ROBO2: variants seen among roughly 807,000 people sequenced by gnomAD.
The protein encoded by ROBO2 is roundabout guidance receptor 2.
ROBO2 carries 53 observed loss-of-function variants against 160.8 expected under a neutral mutation model. That is an observed-to-expected ratio of 0.33 (90% CI 0.26 to 0.41). The LOEUF (loss-of-function observed/expected upper bound fraction) is 0.41, where lower values mean the gene tolerates loss of function less well. Ranked by LOEUF, ROBO2 falls within the 10% of genes least tolerant of loss-of-function variation. ROBO2 has a pLI of 1.00. For missense variants in ROBO2, 1,577 were observed against 1,722.4 expected (o/e 0.92, Z 1.49); for synonymous variants, 664 against 611.7 (o/e 1.09, Z -1.26).
chr3:76,779,322 C>T (rs1054642985), intron 2 of ROBO2, among the ~76,000 whole-genome samples: 19 of 150,904 alleles, frequency 1.3e-4, no homozygotes, highest in Non-Finnish European at 1.0e-4. Flanking sequence ...CTCTAGCCTC[C>T]TTTATTATTA....
intron 1 of ROBO2, among the ~76,000 whole-genome samples, chr3:77,089,209 A>G (rs993494541): frequency 1.3e-5 from 2 of 152,206 alleles, no homozygotes; most frequent in African/African-American, 4.8e-5. Flanking sequence ...TCATCCTGAA[A>G]ACAGAGCTTG....
intron 1 of ROBO2, among the ~76,000 whole-genome samples, chr3:77,056,776 C>G (rs117466936): frequency 6.6e-6 from 1 of 151,842 alleles, no homozygotes; most frequent in East Asian, 1.9e-4. Context: ...GAGGCCATGT[C>G]GTAATCCAGG....
At chr3:77,598,434 A>AATAT (rs3073100) in intron 19 of ROBO2, among the ~76,000 whole-genome samples, 7 of 143,664 alleles carry the variant, frequency 4.9e-5, no homozygotes, top group African/African-American at 1.8e-4. Flanking sequence ...TAAATAGATG[A>AATAT]ATATATATAT....
intron 2 of ROBO2, among the ~76,000 whole-genome samples, chr3:77,287,485 C>G (rs2060689900): frequency 1.3e-5 from 2 of 152,108 alleles, no homozygotes; most frequent in Admixed American, 1.3e-4. Context: ...ACACACCATC[C>G]CCAGATACTT....
intron 2 of ROBO2, among the ~76,000 whole-genome samples, chr3:77,354,987 T>G (rs1460531454): frequency 1.3e-5 from 2 of 152,196 alleles, no homozygotes; most frequent in Non-Finnish European, 2.9e-5. Context: ...CAGTAAAATT[T>G]ACTTTTTTAG....
intron 2 of ROBO2, among the ~76,000 whole-genome samples, chr3:77,430,872 G>T (rs1172130388): frequency 6.6e-6 from 1 of 152,184 alleles, no homozygotes; most frequent in African/African-American, 2.4e-5. Context: ...ATGATCTCAA[G>T]ATTCTGTCAG....
At chr3:77,207,655 C>G (rs989776439) in intron 2 of ROBO2, among the ~76,000 whole-genome samples, 2 of 152,102 alleles carry the variant, frequency 1.3e-5, no homozygotes, top group African/African-American at 4.8e-5. Flanking sequence ...TTTTCACTCT[C>G]CAATGGGGAT....
At chr3:77,020,397 C>T (rs1201020956) in intron 2 of ROBO2, among the ~76,000 whole-genome samples, 18 of 152,086 alleles carry the variant, frequency 1.2e-4, no homozygotes, top group Non-Finnish European at 1.9e-4. Context: ...AACATTTTTG[C>T]AATGCATGTT....
chr3:76,678,149 T>C (rs1266616952), intron 2 of ROBO2, among the ~76,000 whole-genome samples: 2 of 151,716 alleles, frequency 1.3e-5, no homozygotes, highest in African/African-American at 2.4e-5. Flanking sequence ...TTTTGTACTT[T>C]TAGTAGAGAC....
intron 2 of ROBO2, among the ~76,000 whole-genome samples, chr3:76,556,833 T>C (rs1339436328): frequency 1.3e-5 from 2 of 152,112 alleles, no homozygotes; most frequent in African/African-American, 2.4e-5. Flanking sequence ...AAAAAATAAG[T>C]TGTACAACAG....
intron 2 of ROBO2, among the ~76,000 whole-genome samples, chr3:76,237,591 A>T (rs974914): frequency 0.79 from 120,833 of 152,162 alleles, 49,651 homozygotes; most frequent in Non-Finnish European, 0.9. Context: ...AATGTCCTGG[A>T]TAGTTAATAA....
intron 2 of ROBO2, among the ~76,000 whole-genome samples, chr3:76,411,206 C>G (rs567022769): frequency 6.6e-6 from 1 of 152,058 alleles, no homozygotes; most frequent in South Asian, 2.1e-4. Context: ...AATGACCAGA[C>G]AGAACCTTGA....
intron 2 of ROBO2, among the ~76,000 whole-genome samples, chr3:77,206,050 C>A (rs1459205610): frequency 1.3e-5 from 2 of 152,162 alleles, no homozygotes; most frequent in African/African-American, 4.8e-5. Context: ...TGCCCTCAGG[C>A]ATTCCTTGGT....
chr3:77,352,825 C>A (rs2068540537), intron 2 of ROBO2, among the ~76,000 whole-genome samples: 1 of 152,136 alleles, frequency 6.6e-6, no homozygotes, highest in African/African-American at 2.4e-5. Context: ...TGGGAAGTTA[C>A]TTCTCTCTGT....
chr3:76,546,737 G>C (rs1057155144), intron 2 of ROBO2, among the ~76,000 whole-genome samples: 1 of 151,816 alleles, frequency 6.6e-6, no homozygotes, highest in Non-Finnish European at 1.5e-5. Context: ...ACTATCTTCA[G>C]TGTTTGACAG....
chr3:76,125,183 T>A (rs1402172010), intron 2 of ROBO2, among the ~76,000 whole-genome samples: 3 of 152,180 alleles, frequency 2.0e-5, no homozygotes, highest in Non-Finnish European at 2.9e-5. Flanking sequence ...GATTTCATTC[T>A]TTTTTATGGC....
intron 2 of ROBO2, among the ~76,000 whole-genome samples, chr3:77,203,886 C>T (rs1031676694): frequency 6.6e-6 from 1 of 152,202 alleles, no homozygotes; most frequent in Non-Finnish European, 1.5e-5. Flanking sequence ...GGCCACACAG[C>T]TTCCAAAACT....
At chr3:76,132,183 A>C (rs191200827) in intron 2 of ROBO2, among the ~76,000 whole-genome samples, 136 of 152,292 alleles carry the variant, frequency 8.9e-4, no homozygotes, top group African/African-American at 3.3e-3. Flanking sequence ...GCAAAACCCC[A>C]AGACAAGTTT....
intron 2 of ROBO2, among the ~76,000 whole-genome samples, chr3:76,365,935 T>G (rs2075790290): frequency 6.6e-6 from 1 of 152,026 alleles, no homozygotes; most frequent in Non-Finnish European, 1.5e-5. Context: ...TGGCTTATAT[T>G]CCCGAGAATC....
Sources: gnomAD v4.1 joint callset for allele counts (sites outside exome capture counted in the v4.1 genomes callset) on GRCh38, gnomAD v4.1.1 for gene constraint, MANE v1.5 for transcripts, NCBI Gene and HGNC (gene_info 2026-07-23, HGNC 2026-07-21) for gene names.